COL20A1: variants seen among roughly 807,000 people sequenced by gnomAD.
COL20A1 encodes the protein collagen alpha-1(XX) chain.
Under a neutral mutation model 152.9 loss-of-function variants are expected in COL20A1, and 164 were observed. The ratio of observed to expected loss-of-function variants is 1.07; its 90% CI spans 0.94 to 1.22. The LOEUF (loss-of-function observed/expected upper bound fraction) is 1.22, where lower values mean the gene tolerates loss of function less well. Ranked by LOEUF, COL20A1 falls within the 50% of genes most tolerant of loss-of-function variation. The pLI, the probability that COL20A1 is intolerant of heterozygous loss-of-function variation, is 0.00. For synonymous variants in COL20A1, 864 were observed against 756.0 expected, an observed-to-expected ratio of 1.14 and a Z score of -2.34; for missense variants, 1,873 against 1,744.8, an observed-to-expected ratio of 1.07 and a Z score of -1.31.
intron 2 of COL20A1, among the ~76,000 whole-genome samples, chr20:63,296,102 C>T (rs1457967659): frequency 2.6e-5 from 4 of 152,264 alleles, no homozygotes; most frequent in Non-Finnish European, 4.4e-5. Flanking sequence ...AGCGTGGAGC[C>T]GCCTGTTGAG....
At position 63,305,558 on chromosome 20, in the gene COL20A1, T is replaced by G. The variant is rs753317754; in HGVS notation, c.335T>G (p.Val112Gly). The change falls in exon 4 of 36, where the codon GTG becomes GGG. Residue 112 changes from valine (V) to glycine (G), a missense_variant and splice_region_variant. Physicochemically the swap from Val to Gly is moderately radical, Grantham distance 109. Coordinates refer to ENST00000358894, the MANE Select transcript of COL20A1 (RefSeq NM_020882.4). This position sits in a 1 kb window ranked among gnomAD's most constrained non-coding sequence, Gnocchi z 4.9. ...TTCCTGCTAGCTCGGAGGGAGTTTGTGAGTAAGTCCACCGTCTGCCAGCTG... is the reference window on the plus strand; with the variant it reads ...TTCCTGCTAGCTCGGAGGGAGTTTGGGAGTAAGTCCACCGTCTGCCAGCTG... The part of the protein sequence containing the change: ...GRFLLARREF[V>G]IEDLKSSSLD... The G allele has an allele frequency of 1.3e-6, 2 of 1,593,084 alleles. No homozygotes were observed. Among genetic ancestry groups the G allele is most frequent in the African/African-American group, 2.7e-5 (2 of 73,918 alleles).
intron 3 of COL20A1, among the ~76,000 whole-genome samples, chr20:63,301,780 C>T (rs1431519165): frequency 6.6e-6 from 1 of 152,092 alleles, no homozygotes; most frequent in Admixed American, 6.5e-5. Flanking sequence ...GTTAATCTTT[C>T]TCCAGCCTTT....
At position 63,311,588 on chromosome 20, in the gene COL20A1, C is replaced by T. The variant is rs577457592; in HGVS notation, c.1540-37C>T. 4.5e-5 allele frequency: 72 copies of T among 1,609,858 alleles called. 1 individual carries two copies. The highest frequency in any genetic ancestry group is 3.2e-4 in the Admixed American group (19 of 59,918). On this transcript the variant is annotated intron_variant, in intron 12 of 35. Coordinates refer to ENST00000358894, the MANE Select transcript of COL20A1 (RefSeq NM_020882.4). This position sits in a 1 kb window ranked among gnomAD's most constrained non-coding sequence, Gnocchi z 4.4. ...GGGGAGGCAGAGGAGTGGGGCAGAG[C>T]GAGTGGGGGCTGGCCTGGGACGTCA...
At chr20:63,293,415 G>C (rs774088642) in intron 1 of COL20A1, 140 bp downstream of exon 1, 1 of 152,308 alleles carries the variant, frequency 6.6e-6, no homozygotes, top group Non-Finnish European at 1.5e-5. Flanking sequence ...CAGGACCGGG[G>C]TGCCCAGCAC....
In COL20A1 at chr20:63,310,489, C is replaced by G; in HGVS notation, c.1372C>G (p.Leu458Val). 6.2e-7 allele frequency: 1 copy of G among 1,602,300 alleles called. No individual in the cohort carries two copies. Residue 458 changes from leucine to valine, a missense_variant, in exon 11 of 36, where the codon CTG (leucine) becomes GTG (valine). Leu to Val is a conservative substitution (Grantham distance 32, BLOSUM62 1). Transcript: ENST00000358894. Reference protein sequence around the residue: ...PIYEGGVGEGLRGLVTTAPLP... With the variant: ...PIYEGGVGEGVRGLVTTAPLP... The stretch of plus-strand genomic sequence containing the variant: ...CTATGAGGGCGGGGTTGGCGAAGGC[C>G]TGCGGGGCCTGGTGACCACAGGTAG...
chr20:63,313,821 C>A lies in COL20A1; in HGVS notation c.2288C>A (p.Pro763His), dbSNP rs1336324850. Residue 763 changes from proline to histidine, a missense_variant, in exon 18 of 36, where the codon CCC becomes CAC. Coordinates refer to ENST00000358894, the MANE Select transcript of COL20A1 (RefSeq NM_020882.4). The surrounding 1 kb of genome is among the most constrained non-coding windows in gnomAD (Gnocchi z 5.9). ...GACAGCCTGCAGGTCAGCTGGACGC[C>A]CCCGCTTGGCCGCGTGCTCCATTAC... ...TPDSLQVSWT[P>H]PLGRVLHYWL... is the part of the protein sequence containing the mutation. 4 of 1,611,276 alleles carry A rather than the reference C, an allele frequency of 2.5e-6. No individual in the cohort carries two copies. Among genetic ancestry groups the A allele is most frequent in the Non-Finnish European group, 2.5e-6 (3 of 1,179,344 alleles).
intron 21 of COL20A1, among the ~76,000 whole-genome samples, chr20:63,317,490 G>A (rs190415404): frequency 0.069 from 10,039 of 146,204 alleles, 388 homozygotes; most frequent in South Asian, 0.11. Flanking sequence ...AAAAAAAGAA[G>A]TTACAAAGGA....
intron 10 of COL20A1, 64 bp downstream of exon 10, chr20:63,309,979 C>A: frequency 7.1e-7 from 1 of 1,401,794 alleles, no homozygotes; most frequent in Non-Finnish European, 9.7e-7. Flanking sequence ...TCTGATAAGC[C>A]AAAGGGAGGG....
At position 63,320,215 on chromosome 20, in the gene COL20A1, C is replaced by T. The variant is rs774252694; in HGVS notation, c.3075+18C>T. The T allele has an allele frequency of 1.3e-6, 2 of 1,599,056 alleles. No individual in the cohort carries two copies. Among genetic ancestry groups the T allele is most frequent in the East Asian group, 2.2e-5 (1 of 44,684 alleles). ...CGGCCGCGGTGAGTTGGGCCCTGCC[C>T]ACCTGCTGGGCCACGCTGGTGGGGG... On this transcript the variant is annotated intron_variant, in intron 24 of 35. Coordinates refer to ENST00000358894, the MANE Select transcript of COL20A1 (RefSeq NM_020882.4).
rs199740874 is a variant in COL20A1, at chr20:63,329,584, G to A, written c.3782-1G>A. The A allele has an allele frequency of 7.5e-5, 121 of 1,608,976 alleles. No individual in the cohort carries two copies. The African/African-American group carries it at 1.1e-3, about 15-fold the overall frequency. ...CTCACATGCCCTCCCTTTCCTCGCA[G>A]GGGAGCCTGGAGCTGTTGGTCAGAT... On this transcript the variant is annotated splice_acceptor_variant, in intron 34 of 35. Transcript: ENST00000358894. LOFTEE classifies it high-confidence loss of function.
At position 63,328,082 on chromosome 20, in the gene COL20A1, G is replaced by C; in HGVS notation, c.3568G>C (p.Glu1190Gln). Residue 1190 changes from glutamate (E) to glutamine (Q), a missense_variant, in exon 33 of 36, where the codon GAG becomes CAG. Physicochemically the swap from Glu to Gln is conservative, Grantham distance 29 (BLOSUM62 2). Transcript: ENST00000358894. ...GCTGCACCACCTTCCCTTCCAGGGC[G>C]AGCCGCAGTCCCTTGCCACCCTCTA... The part of the protein sequence containing the change: ...GPKGERGEKG[E>Q]PQSLATLYQL... 6.2e-7 allele frequency: 1 copy of C among 1,613,328 alleles called. No homozygotes were observed. The highest frequency in any genetic ancestry group is 8.5e-7 in the Non-Finnish European group (1 of 1,179,830).
In COL20A1 at chr20:63,316,252, G is replaced by A. The variant is rs571152033; in HGVS notation, c.2525-301G>A. Among the ~76,000 whole-genome samples, 5 of 152,250 alleles carry A rather than the reference G, an allele frequency of 3.3e-5. No homozygotes were observed. In the South Asian group the frequency reaches 1.0e-3, roughly 32 times the overall value. On this transcript the variant is annotated intron_variant, in intron 20 of 35. Coordinates refer to ENST00000358894, the MANE Select transcript of COL20A1 (RefSeq NM_020882.4). ...GGGCGTCCACCTTGTCCATCTCTGG[G>A]TCTCCGAAGCTGGGCATTTGGCCCA...
In COL20A1 at chr20:63,329,573, C is replaced by T. The variant is rs1370557478; in HGVS notation, c.3782-12C>T. 3 of 1,607,602 alleles carry T rather than the reference C, an allele frequency of 1.9e-6. No individual in the cohort carries two copies. The highest frequency in any genetic ancestry group is 2.5e-6 in the Non-Finnish European group (3 of 1,178,122). The stretch of plus-strand genomic sequence containing the variant: ...ATTGCTCCGTCCTCACATGCCCTCC[C>T]TTTCCTCGCAGGGGAGCCTGGAGCT... On this transcript the variant is annotated splice_polypyrimidine_tract_variant and intron_variant, in intron 34 of 35. Coordinates refer to ENST00000358894, the MANE Select transcript of COL20A1 (RefSeq NM_020882.4).
chr20:63,312,439 C>T lies in COL20A1; in HGVS notation c.1823C>T (p.Ala608Val), dbSNP rs1344072672. Residue 608 changes from alanine (A) to valine (V), a missense_variant, in exon 15 of 36, where the codon GCC becomes GTC. By Grantham distance (64) the Ala-to-Val change is moderately conservative (BLOSUM62 0). Coordinates refer to ENST00000358894, the MANE Select transcript of COL20A1 (RefSeq NM_020882.4). ...HSGQTEAPGN[A>V]TSATLGPLSS... is the part of the protein sequence containing the mutation. ...CTGCAGACAGAGGCTCCTGGGAACG[C>T]CACCTCGGCCACGCTGGGGCCTCTC... 6.3e-7 allele frequency: 1 copy of T among 1,599,870 alleles called. No homozygotes were observed. The highest frequency in any genetic ancestry group is 8.5e-7 in the Non-Finnish European group (1 of 1,175,392).
intron 7 of COL20A1, 40 bp from the exon 8 acceptor site, chr20:63,308,502 G>T (rs979992583): frequency 3.3e-6 from 5 of 1,507,658 alleles, no homozygotes; most frequent in African/African-American, 1.4e-5. Flanking sequence ...AGGAGGGGAT[G>T]CTGGCAGCTG....
rs1188293391 is a variant in COL20A1 at position 63,309,919 on chromosome 20, AG to A, written c.1263+9del. On this transcript the variant is annotated splice_donor_5th_base_variant and intron_variant, in intron 10 of 35. Transcript: ENST00000358894. ...TAGAGGTGGCACCCCCAGGGAGGTG[AG>A]GGGGCCGGTATACAGGGCTCCCCGA... 6.3e-7 allele frequency: 1 copy of A among 1,590,962 alleles called. No individual in the cohort carries two copies. Among genetic ancestry groups the A allele is most frequent in the Admixed American group, 1.7e-5 (1 of 57,948 alleles).
Position 63,312,363 on chromosome 20 carries a change from C to G in COL20A1, c.1804-57C>G. The G allele has an allele frequency of 2.7e-6, 4 of 1,465,500 alleles. No homozygotes were observed. The South Asian group carries it at 5.6e-5, about 21-fold the overall frequency. The allele number at this position is 1,465,500 out of a possible 1,614,324, so 90.8% of individuals were successfully genotyped here. A position where few individuals can be genotyped will look rare whatever the true frequency, so the allele number is the denominator to read the frequency against. On this transcript the variant is annotated intron_variant, in intron 14 of 35. Coordinates refer to ENST00000358894, the MANE Select transcript of COL20A1 (RefSeq NM_020882.4). ...AGGTGCTGGGCCTGATTCTCCACCC[C>G]AGCAAGGGCTCCAGGCACCAGCTGG...
At position 63,313,846 on chromosome 20, in the gene COL20A1, C is replaced by T. The variant is rs776872914; in HGVS notation, c.2313C>T (p.Tyr771=). Residue 771 remains tyrosine (Y), a synonymous_variant, in exon 18 of 36, where the codon TAC becomes TAT. Coordinates refer to ENST00000358894, the MANE Select transcript of COL20A1 (RefSeq NM_020882.4). This position sits in a 1 kb window ranked among gnomAD's most constrained non-coding sequence, Gnocchi z 5.9. ...CCCCGCTTGGCCGCGTGCTCCATTA[C>T]TGGCTCACCTACGCCCCCGCCTCTG... ...WTPPLGRVLH[Y]WLTYAPASGL... 5.3e-5 allele frequency: 86 copies of T among 1,610,878 alleles called. No homozygotes were observed. The highest frequency in any genetic ancestry group is 7.0e-5 in the Non-Finnish European group (83 of 1,179,078).
Position 63,334,329 on chromosome 20 carries a change from T to C in COL20A1, c.*3613T>C, listed in dbSNP as rs2068368099. On this transcript the variant is annotated 3_prime_UTR_variant, in exon 36 of 36. Transcript: ENST00000358894. The stretch of plus-strand genomic sequence containing the variant: ...GAAGATACTTGTAACCAAATAATGA[T>C]GGATGCAGCGCCACGTCAGAATCTC... 1 of 152,268 alleles carries C rather than the reference T, an allele frequency of 6.6e-6. No individual in the cohort carries two copies. Among genetic ancestry groups the C allele is most frequent in the African/African-American group, 2.4e-5 (1 of 41,456 alleles). 9.4% of individuals were successfully genotyped at this position (152,268 alleles called of 1,614,324 possible).
Sources: allele counts gnomAD v4.1 joint callset (sites outside exome capture counted in the v4.1 genomes callset), GRCh38; gene constraint gnomAD v4.1.1; non-coding constraint Gnocchi (gnomAD v3.1); transcripts MANE v1.5; gene names NCBI Gene and HGNC (gene_info 2026-07-23, HGNC 2026-07-21).